DIS3L2: variants seen among roughly 807,000 people sequenced by gnomAD.
DIS3L2 encodes DIS3 like 3'-5' exoribonuclease 2.
A neutral mutation model predicts 97.5 loss-of-function variants in DIS3L2; 34 were observed. That is an observed-to-expected ratio of 0.35 (90% CI 0.27 to 0.46). The LOEUF (loss-of-function observed/expected upper bound fraction) is 0.46, where lower values mean the gene tolerates loss of function less well. DIS3L2 is among the 20% of genes least tolerant of loss of function. The pLI is 1.00. For missense variants in DIS3L2, 1,038 were observed against 1,146.0 expected (o/e 0.91, Z 1.36); for synonymous variants, 435 against 445.2 (o/e 0.98, Z 0.29).
intron 14 of DIS3L2, among the ~76,000 whole-genome samples, chr2:232,305,624 G>A (rs1007675363): frequency 1.3e-5 from 2 of 152,094 alleles, no homozygotes; most frequent in East Asian, 1.9e-4. Flanking sequence ...TCACTCTTAC[G>A]TGGTTCATTT....
intron 10 of DIS3L2, among the ~76,000 whole-genome samples, chr2:232,223,752 A>G (rs1050248713): frequency 4.6e-5 from 7 of 152,236 alleles, no homozygotes; most frequent in African/African-American, 1.7e-4. Flanking sequence ...CTAGACAAAA[A>G]GTAAGTGTTT....
At chr2:232,327,918 AC>A (rs1355250169) in intron 14 of DIS3L2, among the ~76,000 whole-genome samples, 1 of 151,904 alleles carries the variant, frequency 6.6e-6, no homozygotes. Flanking sequence ...TGCCATTGTG[AC>A]CCCTGTCCTG....
chr2:232,142,315 A>C (rs1690083135), intron 8 of DIS3L2, among the ~76,000 whole-genome samples: 1 of 152,158 alleles, frequency 6.6e-6, no homozygotes, highest in African/African-American at 2.4e-5. Context: ...AATCCTGGTC[A>C]AGGCAGAGCA....
intron 6 of DIS3L2, among the ~76,000 whole-genome samples, chr2:232,117,400 C>G (rs558997198): frequency 1.4e-3 from 211 of 152,276 alleles, no homozygotes; most frequent in Non-Finnish European, 2.2e-3. Flanking sequence ...CAGGTTCTTA[C>G]GTAAATCAGA....
chr2:232,015,021 C>T, intron 2 of DIS3L2, 42 bp downstream of exon 2: 1 of 1,607,882 alleles, frequency 6.2e-7, no homozygotes, highest in Non-Finnish European at 8.5e-7. Context: ...AACTGGAGAA[C>T]TGAAATGAAA....
intron 10 of DIS3L2, among the ~76,000 whole-genome samples, chr2:232,218,564 T>C (rs1280085438): frequency 6.6e-6 from 1 of 152,104 alleles, no homozygotes; most frequent in Non-Finnish European, 1.5e-5. Context: ...ACTTGGGAGT[T>C]TCCTGGGAGG....
chr2:232,302,947 TTAA>T (rs1267946332), intron 14 of DIS3L2, among the ~76,000 whole-genome samples: 2 of 152,210 alleles, frequency 1.3e-5, no homozygotes, highest in Non-Finnish European at 2.9e-5. Flanking sequence ...AATAGTAGGA[TTAA>T]TAATACCTCT....
chr2:232,181,284 T>C (rs1691260036), intron 9 of DIS3L2, among the ~76,000 whole-genome samples: 2 of 152,180 alleles, frequency 1.3e-5, no homozygotes, highest in African/African-American at 4.8e-5. Context: ...CTGACAATTA[T>C]GTGTCTTGGA....
intron 13 of DIS3L2, among the ~76,000 whole-genome samples, chr2:232,298,403 A>T (rs1165501953): frequency 6.6e-6 from 1 of 152,216 alleles, no homozygotes; most frequent in Admixed American, 6.5e-5. Flanking sequence ...GAGAGAGGTA[A>T]AGAGAAAAGG....
intron 5 of DIS3L2, among the ~76,000 whole-genome samples, chr2:232,066,948 C>A (rs1695871123): frequency 6.6e-6 from 1 of 151,942 alleles, no homozygotes; most frequent in South Asian, 2.1e-4. Context: ...TTTTACTGTC[C>A]TTTTAATGTC....
chr2:232,337,032 C>T lies in DIS3L2; in HGVS notation c.*402C>T, dbSNP rs1356499856. On this transcript the variant is annotated 3_prime_UTR_variant, in exon 21 of 21. Coordinates refer to ENST00000325385, the MANE Select transcript of DIS3L2 (RefSeq NM_152383.5). The stretch of plus-strand genomic sequence containing the variant: ...TGGGCAGCAGAATGCCCCTTGCACC[C>T]AGGGCAAGGGACCCAGTTCAGGCTT... The T allele has an allele frequency of 3.7e-6, 4 of 1,072,182 alleles. No homozygotes were observed. The highest frequency in any genetic ancestry group is 1.0e-4 in the Admixed American group (2 of 19,522). The allele number at this position is 1,072,182 out of a possible 1,614,324, so 66.4% of individuals were successfully genotyped here. A position where few individuals can be genotyped will look rare whatever the true frequency, so the allele number is the denominator to read the frequency against.
At chr2:232,077,911 T>C (rs1696242175) in intron 5 of DIS3L2, among the ~76,000 whole-genome samples, 1 of 152,156 alleles carries the variant, frequency 6.6e-6, no homozygotes, top group Admixed American at 6.5e-5. Context: ...TTTACTGTAC[T>C]TTGTTATAGA....
intron 10 of DIS3L2, among the ~76,000 whole-genome samples, chr2:232,213,537 G>T (rs897540909): frequency 2.6e-5 from 4 of 152,050 alleles, no homozygotes; most frequent in African/African-American, 9.7e-5. Flanking sequence ...TTTGGATTGG[G>T]GTGAGGTTGG....
At chr2:231,970,115 T>A (rs995640301) in intron 1 of DIS3L2, among the ~76,000 whole-genome samples, 9 of 152,008 alleles carry the variant, frequency 5.9e-5, no homozygotes, top group African/African-American at 1.9e-4. Context: ...TTTTTTTTGT[T>A]TGTTTGTTTT....
Position 232,037,275 on chromosome 2 carries a change from C to G in DIS3L2, c.366+7195C>G, listed in dbSNP as rs1694976981. Among the ~76,000 whole-genome samples, 1 of 152,198 alleles carries G rather than the reference C, an allele frequency of 6.6e-6. No individual in the cohort carries two copies. The highest frequency in any genetic ancestry group is 6.5e-5 in the Admixed American group (1 of 15,292). On this transcript the variant is annotated intron_variant, in intron 5 of 20. Coordinates refer to ENST00000325385, the MANE Select transcript of DIS3L2 (RefSeq NM_152383.5). This position sits in a 1 kb window ranked among gnomAD's most constrained non-coding sequence, Gnocchi z 4.6. Reference sequence around the variant, plus strand: ...TAGAGAGGTAGTCTGGCTACAGGGGCTTTGCGGTGCTGTGGTGGGCTCCGC... The same window carrying G: ...TAGAGAGGTAGTCTGGCTACAGGGGGTTTGCGGTGCTGTGGTGGGCTCCGC...
chr2:232,317,499 C>G (rs1018052233), intron 14 of DIS3L2, among the ~76,000 whole-genome samples: 2 of 152,076 alleles, frequency 1.3e-5, no homozygotes, highest in African/African-American at 4.8e-5. Context: ...TACAGTGGCC[C>G]GATCTCTGCT....
chr2:232,158,736 A>G (rs1215906383), intron 8 of DIS3L2, among the ~76,000 whole-genome samples: 6 of 152,178 alleles, frequency 3.9e-5, no homozygotes, highest in Non-Finnish European at 8.8e-5. Context: ...AGTTAAAGAC[A>G]TTGATATTAG....
intron 13 of DIS3L2, among the ~76,000 whole-genome samples, chr2:232,289,379 T>C (rs929158683): frequency 2.0e-5 from 3 of 151,990 alleles, no homozygotes; most frequent in African/African-American, 4.8e-5. Context: ...TTCAAGCGAT[T>C]CTCCTGCCTC....
chr2:232,267,954 A>AT (rs35537094), intron 13 of DIS3L2, among the ~76,000 whole-genome samples: 2 of 152,048 alleles, frequency 1.3e-5, no homozygotes, highest in Admixed American at 6.6e-5. Flanking sequence ...ATATTGATTG[A>AT]TTTTTAGGAA....
Sources: allele counts gnomAD v4.1 joint callset (sites outside exome capture counted in the v4.1 genomes callset), GRCh38; gene constraint gnomAD v4.1.1; non-coding constraint Gnocchi (gnomAD v3.1); transcripts MANE v1.5; gene names NCBI Gene and HGNC (gene_info 2026-07-23, HGNC 2026-07-21).